TANC1: variants seen among roughly 807,000 people sequenced by gnomAD.
TANC1 encodes the protein protein TANC1.
In TANC1, 77 loss-of-function variants were observed where a neutral mutation model predicts 149.7. That is an observed-to-expected ratio of 0.51 (90% CI 0.43 to 0.62). The LOEUF (loss-of-function observed/expected upper bound fraction) is 0.62, where lower values mean the gene tolerates loss of function less well. Ranked by LOEUF, TANC1 falls within the 20% of genes least tolerant of loss-of-function variation. The pLI, the probability that TANC1 is intolerant of heterozygous loss-of-function variation, is 0.00. For synonymous variants in TANC1, 854 were observed against 925.0 expected (o/e 0.92, Z 1.39); for missense variants, 1,985 against 2,321.8 (o/e 0.85, Z 2.98).
At chr2:159,131,667 C>G (rs2050124802) in intron 4 of TANC1, among the ~76,000 whole-genome samples, 1 of 152,156 alleles carries the variant, frequency 6.6e-6, no homozygotes, top group Admixed American at 6.5e-5. Context: ...CTTTTTGCTA[C>G]AACTTTAATG....
intron 7 of TANC1, among the ~76,000 whole-genome samples, chr2:159,158,530 C>T (rs1439772656): frequency 6.6e-6 from 1 of 152,142 alleles, no homozygotes; most frequent in African/African-American, 2.4e-5. Context: ...TTCATCTTAG[C>T]CACTGTTGTG....
rs147044378 is a variant in TANC1, at chr2:159,148,797, G to A, written c.365-345G>A. 1.7e-3 allele frequency: 286 copies of A among 170,622 alleles called. 1 individual carries two copies. The highest frequency in any genetic ancestry group is 6.1e-3 in the African/African-American group (256 of 42,086). The allele number at this position is 170,622 out of a possible 1,614,324, so 10.6% of individuals were successfully genotyped here. A position where few individuals can be genotyped will look rare whatever the true frequency, so the allele number is the denominator to read the frequency against. Reference sequence around the variant, plus strand: ...GCCTCCTGTGGGCATTGGACACCCGGCACTCTGTGAGGGTAACATGAAAGA... The same window carrying A: ...GCCTCCTGTGGGCATTGGACACCCGACACTCTGTGAGGGTAACATGAAAGA... On this transcript the variant is annotated intron_variant, in intron 5 of 26. Coordinates refer to ENST00000263635, the MANE Select transcript of TANC1 (RefSeq NM_033394.3).
intron 2 of TANC1, among the ~76,000 whole-genome samples, chr2:159,042,164 A>G (rs1407911538): frequency 6.6e-6 from 1 of 152,074 alleles, no homozygotes; most frequent in Non-Finnish European, 1.5e-5. Context: ...GGTCTTCTGG[A>G]GCTCCTCATT....
rs996373423 is a variant in TANC1 at position 159,088,189 on chromosome 2, G to A, written c.62-9448G>A. ...TAACACAAGGGTTCTGAGTGCAGTC[G>A]GGCTCTGGTGCCTTTCAGAGGCTCC... On this transcript the variant is annotated intron_variant, in intron 3 of 26. Coordinates refer to ENST00000263635, the MANE Select transcript of TANC1 (RefSeq NM_033394.3). Among the ~76,000 whole-genome samples, 12 of 151,964 alleles carry A rather than the reference G, an allele frequency of 7.9e-5. No homozygotes were observed. In the South Asian group the frequency reaches 8.3e-4, roughly 11 times the overall value.
At chr2:159,203,880 C>CA (rs1348237348) in intron 19 of TANC1, among the ~76,000 whole-genome samples, 2 of 152,222 alleles carry the variant, frequency 1.3e-5, no homozygotes. Flanking sequence ...CCCAGCCAGT[C>CA]ATGGGCTTTG....
At chr2:159,100,407 G>A (rs991535399) in intron 4 of TANC1, among the ~76,000 whole-genome samples, 3 of 152,192 alleles carry the variant, frequency 2.0e-5, no homozygotes, top group Admixed American at 6.5e-5. Context: ...TTATATGTGT[G>A]TGGACCACAT....
At chr2:159,076,584 C>T (rs1428483133) in intron 3 of TANC1, among the ~76,000 whole-genome samples, 1 of 152,200 alleles carries the variant, frequency 6.6e-6, no homozygotes, top group African/African-American at 2.4e-5. Flanking sequence ...TAATAAATTG[C>T]TATAATCATA....
chr2:159,163,905 A>G (rs1045064396), intron 8 of TANC1, among the ~76,000 whole-genome samples: 1 of 152,184 alleles, frequency 6.6e-6, no homozygotes, highest in Admixed American at 6.5e-5. Context: ...GAGTTTGTTA[A>G]TATCAGCTCG....
intron 4 of TANC1, among the ~76,000 whole-genome samples, chr2:159,132,006 C>T (rs1183920632): frequency 6.6e-6 from 1 of 152,162 alleles, no homozygotes. Flanking sequence ...AGTGCCTGGG[C>T]TTTTTCTAGA....
intron 3 of TANC1, among the ~76,000 whole-genome samples, chr2:159,085,235 C>G (rs1299890764): frequency 6.6e-6 from 1 of 152,068 alleles, no homozygotes; most frequent in Non-Finnish European, 1.5e-5. Context: ...GTCCACTTCC[C>G]GTTTGACTGT....
intron 4 of TANC1, among the ~76,000 whole-genome samples, chr2:159,121,825 G>A (rs1477814027): frequency 6.6e-6 from 1 of 152,206 alleles, no homozygotes. Flanking sequence ...AGTCAAGAGT[G>A]TACACAGCTA....
intron 19 of TANC1, among the ~76,000 whole-genome samples, chr2:159,214,199 T>C (rs550722828): frequency 2.0e-5 from 3 of 148,712 alleles, no homozygotes; most frequent in Admixed American, 2.0e-4. Flanking sequence ...GGTATTGTGT[T>C]TGTTACAAAT....
chr2:158,975,245 C>G (rs915126490), intron 1 of TANC1, among the ~76,000 whole-genome samples: 1 of 151,670 alleles, frequency 6.6e-6, no homozygotes, highest in Non-Finnish European at 1.5e-5. Flanking sequence ...ATTTTCTAAC[C>G]TAGGTTTGTT....
intron 8 of TANC1, among the ~76,000 whole-genome samples, chr2:159,164,171 G>A (rs147972401): frequency 7.4e-4 from 113 of 152,184 alleles, no homozygotes; most frequent in Non-Finnish European, 5.9e-5. Context: ...GTCACCAGGT[G>A]TGTGTCAAGC....
At chr2:159,060,701 C>T (rs1229936408) in intron 2 of TANC1, among the ~76,000 whole-genome samples, 2 of 152,122 alleles carry the variant, frequency 1.3e-5, no homozygotes, top group African/African-American at 2.4e-5. Context: ...AAACATAGTC[C>T]CTGCCCTCAG....
chr2:159,229,319 T>C (rs2060210597), intron 26 of TANC1, among the ~76,000 whole-genome samples: 1 of 152,102 alleles, frequency 6.6e-6, no homozygotes, highest in South Asian at 2.1e-4. Context: ...GCCCACTGAT[T>C]CATGCTTCTC....
chr2:159,214,165 G>T (rs2059192659), intron 19 of TANC1, among the ~76,000 whole-genome samples: 1 of 106,738 alleles, frequency 9.4e-6, no homozygotes, highest in Non-Finnish European at 1.8e-5. Context: ...AACAGCAAAT[G>T]TTGTGGTGGT....
chr2:159,000,093 G>T (rs1335752924), intron 1 of TANC1, among the ~76,000 whole-genome samples: 1 of 152,158 alleles, frequency 6.6e-6, no homozygotes, highest in African/African-American at 2.4e-5. Flanking sequence ...CTTGAGCTGC[G>T]TTTCAAGGGA....
At chr2:159,133,928 C>T (rs2050374033) in intron 4 of TANC1, among the ~76,000 whole-genome samples, 1 of 152,156 alleles carries the variant, frequency 6.6e-6, no homozygotes, top group Non-Finnish European at 1.5e-5. Context: ...ATGTAGCTGG[C>T]TAGGAATTGG....
Sources: gnomAD v4.1 joint callset for allele counts (sites outside exome capture counted in the v4.1 genomes callset) on GRCh38, gnomAD v4.1.1 for gene constraint, MANE v1.5 for transcripts, NCBI Gene and HGNC (gene_info 2026-07-23, HGNC 2026-07-21) for gene names.